Variants in ANKRD26 observed in about 807,000 individuals in gnomAD.
ANKRD26 encodes ankyrin repeat domain 26, also known as ankyrin repeat domain-containing protein 26.
Under a neutral mutation model 208.7 loss-of-function variants are expected in ANKRD26, and 141 were observed. The observed-to-expected ratio is 0.68, with a 90% CI of 0.59 to 0.78. The LOEUF is 0.78. Among genes scored for constraint, ANKRD26 ranks in the 30% least tolerant of loss-of-function variants. The probability of loss-of-function intolerance (pLI) is 0.00; values close to 1 mark genes in which losing one functional copy is unlikely to be tolerated. For missense variants in ANKRD26, 1,889 were observed against 1,938.7 expected (o/e 0.97, Z 0.48); for synonymous variants, 636 against 660.4 (o/e 0.96, Z 0.57).
At position 27,093,370 on chromosome 10, in the gene ANKRD26, T is replaced by C. The variant is rs772067866; in HGVS notation, c.510A>G (p.Ala170=). Residue 170 remains alanine (A), a synonymous_variant, in exon 3 of 34, where the codon GCA becomes GCG. Transcript: ENST00000376087. ...SVATKLLLYD[A]NIEAKNKDDL... ...ATACCTTGTTTTTTGCTTCAATATT[T>C]GCATCATACAAAAGCAGCTTTGTTG... 6 of 1,613,988 alleles carry C rather than the reference T, an allele frequency of 3.7e-6. No individual in the cohort carries two copies. The East Asian group carries it at 1.3e-4, about 36-fold the overall frequency.
chr10:27,024,408 A>G, intron 28 of ANKRD26, 39 bp downstream of exon 28: 1 of 1,099,940 alleles, frequency 9.1e-7, no homozygotes, highest in Non-Finnish European at 1.4e-6. Context: ...TAAATCAATT[A>G]ATGAATGGTT....
rs1200505596 is a variant in ANKRD26, at chr10:27,037,276, C to T, written c.2607G>A (p.Gln869=). Residue 869 remains glutamine (Q), a synonymous_variant, in exon 23 of 34, where the codon CAG becomes CAA. Coordinates refer to ENST00000376087, the MANE Select transcript of ANKRD26 (RefSeq NM_014915.3). ...NDAQRQLSRE[Q]NARMLQDGIL... ...TTCCATCTTGTAACATTCTGGCATTCTGTTCTCGAGAAAGTTGCCTCTGAG... is the reference window on the plus strand; with the variant it reads ...TTCCATCTTGTAACATTCTGGCATTTTGTTCTCGAGAAAGTTGCCTCTGAG... 6.2e-7 allele frequency: 1 copy of T among 1,613,862 alleles called. No individual in the cohort carries two copies. The highest frequency in any genetic ancestry group is 2.2e-5 in the East Asian group (1 of 44,840).
chr10:26,947,713 A>G, the ANKRD26 span, among the ~76,000 whole-genome samples: 1 of 152,216 alleles, frequency 6.6e-6, no homozygotes, highest in African/African-American at 2.4e-5. Flanking sequence ...AAAGATTGCA[A>G]ATCATTGACC....
chr10:27,039,217 G>C (rs1488075736), intron 21 of ANKRD26, among the ~76,000 whole-genome samples: 1 of 152,046 alleles, frequency 6.6e-6, no homozygotes, highest in Admixed American at 6.6e-5. Context: ...ACTTTAGGAG[G>C]CCAAGGCGGG....
intron 1 of ANKRD26, among the ~76,000 whole-genome samples, chr10:27,099,880 G>T (rs1334282369): frequency 6.6e-6 from 1 of 152,194 alleles, no homozygotes; most frequent in Non-Finnish European, 1.5e-5. Flanking sequence ...ATTTCGGGGG[G>T]ATCGGAAACC....
At chr10:27,030,625 T>A (rs992286818) in intron 25 of ANKRD26, 2 of 982,892 alleles carry the variant, frequency 2.0e-6, no homozygotes, top group East Asian at 2.3e-4. Flanking sequence ...AATGGAAATG[T>A]AGATTTCTTT....
intron 17 of ANKRD26, among the ~76,000 whole-genome samples, chr10:27,048,571 T>TA (rs2054540286): frequency 6.6e-6 from 1 of 152,176 alleles, no homozygotes; most frequent in African/African-American, 2.4e-5. Context: ...AGAATGCCTT[T>TA]TTTCTCACAT....
At position 27,067,188 on chromosome 10, in the gene ANKRD26, A is replaced by T; in HGVS notation, c.1176T>A (p.Tyr392Ter). The change falls in exon 10 of 34, where the codon TAT (tyrosine) becomes TAA (stop). Residue 392 changes from tyrosine to a stop codon, truncating the protein, a stop_gained. Transcript: ENST00000376087. LOFTEE classifies it high-confidence loss of function. ...TATTATTTTTGTGCACTTCATCAAC[A>T]TAAGTCAAATTGTCATTATTTGTTT... ...LEQTNNDNLT[Y>*]VDEVHKNNRS... is the part of the protein sequence containing the mutation. 1 of 1,613,800 alleles carries T rather than the reference A, an allele frequency of 6.2e-7. No individual in the cohort carries two copies. The highest frequency in any genetic ancestry group is 8.5e-7 in the Non-Finnish European group (1 of 1,179,796).
At chr10:26,972,098 G>C (rs568433201), downstream of ANKRD26, among the ~76,000 whole-genome samples, 56 of 152,182 alleles carry the variant, frequency 3.7e-4, 1 homozygote, top group East Asian at 9.7e-3. Flanking sequence ...AGCCAGGCGT[G>C]GTGGCGGGCG....
chr10:27,091,049 TCA>T (rs1354265632), intron 4 of ANKRD26, among the ~76,000 whole-genome samples: 1 of 151,404 alleles, frequency 6.6e-6, no homozygotes, highest in Non-Finnish European at 1.5e-5. Flanking sequence ...GGAGCCAACA[TCA>T]CACCATTGCA....
At chr10:27,004,004 A>C (rs1457125850), downstream of ANKRD26, 5 of 152,212 alleles carry the variant, frequency 3.3e-5, no homozygotes, top group Admixed American at 6.5e-5. Context: ...ACATTGAACC[A>C]GTGTTAATAT....
chr10:26,950,105 C>T, the ANKRD26 span, among the ~76,000 whole-genome samples: 2 of 152,162 alleles, frequency 1.3e-5, no homozygotes, highest in Admixed American at 6.5e-5. Flanking sequence ...ATGTCCCCAC[C>T]CAGATCTCAT....
chr10:27,046,058 A>G (rs781110162), intron 18 of ANKRD26: 1 of 282,476 alleles, frequency 3.5e-6, no homozygotes, highest in Non-Finnish European at 6.7e-6. Context: ...AAAATAAAAA[A>G]GAAAGAAGGC....
At chr10:27,011,528 C>T (rs2053111575) in intron 32 of ANKRD26, among the ~76,000 whole-genome samples, 1 of 152,012 alleles carries the variant, frequency 6.6e-6, no homozygotes, top group South Asian at 2.1e-4. Flanking sequence ...CCTACCAAGT[C>T]TACAATTGAT....
chr10:27,046,398 A>T lies in ANKRD26; in HGVS notation c.1940T>A (p.Val647Glu). ...ASLLTGGLLQ[V>E]DDDSSLSEID... ...TTCACTTAAACTGCTGTCATCATCC[A>T]CTTGTAGCAGGCCACCAGTTAGTAA... The change falls in exon 18 of 34, where the codon GTG (valine) becomes GAG (glutamate). Residue 647 changes from valine (V) to glutamate (E), a missense_variant. Coordinates refer to ENST00000376087, the MANE Select transcript of ANKRD26 (RefSeq NM_014915.3). 1 of 1,614,090 alleles carries T rather than the reference A, an allele frequency of 6.2e-7. No individual in the cohort carries two copies. Among genetic ancestry groups the T allele is most frequent in the Non-Finnish European group, 8.5e-7 (1 of 1,179,992 alleles).
the ANKRD26 span, among the ~76,000 whole-genome samples, chr10:26,962,044 C>T: frequency 6.6e-6 from 1 of 152,182 alleles, no homozygotes; most frequent in African/African-American, 2.4e-5. Flanking sequence ...TGGATCCCAA[C>T]AGAAGATTTG....
chr10:27,031,444 T>C (rs1448901348), intron 25 of ANKRD26, among the ~76,000 whole-genome samples: 1 of 152,210 alleles, frequency 6.6e-6, no homozygotes, highest in African/African-American at 2.4e-5. Flanking sequence ...AAAGACTGCA[T>C]ATTGTATGAC....
downstream of ANKRD26, among the ~76,000 whole-genome samples, chr10:26,990,114 A>G (rs1326186950): frequency 6.6e-6 from 1 of 152,082 alleles, no homozygotes; most frequent in Non-Finnish European, 1.5e-5. Context: ...TGCATTTTCC[A>G]TCCTAGTTCC....
chr10:26,999,147 T>C (rs1474917545), downstream of ANKRD26, among the ~76,000 whole-genome samples: 1 of 152,230 alleles, frequency 6.6e-6, no homozygotes, highest in African/African-American at 2.4e-5. Context: ...TTAGTTTTTG[T>C]GCATGCCTTT....
Sources: gnomAD v4.1 joint callset for allele counts (sites outside exome capture counted in the v4.1 genomes callset) on GRCh38, gnomAD v4.1.1 for gene constraint, MANE v1.5 for transcripts, NCBI Gene and HGNC (gene_info 2026-07-23, HGNC 2026-07-21) for gene names.